IL12RB2: variants seen among roughly 807,000 people sequenced by gnomAD.
IL12RB2 encodes interleukin-12 receptor subunit beta-2.
In IL12RB2, 82 loss-of-function variants were observed where a neutral mutation model predicts 89.4. The observed-to-expected ratio is 0.92, with a 90% confidence interval of 0.77 to 1.10. The LOEUF is 1.10. IL12RB2 is among the 50% of genes least tolerant of loss of function. IL12RB2 has a pLI of 0.00. For missense variants in IL12RB2, 963 were observed against 1,031.9 expected (o/e 0.93, Z 0.92); for synonymous variants, 368 against 370.1 (o/e 0.99, Z 0.07).
At chr1:67,329,841 A>G in intron 7 of IL12RB2, 112 bp downstream of exon 7, 5 of 791,068 alleles carry the variant, frequency 6.3e-6, no homozygotes. Context: ...TTATCCCAAA[A>G]GTACACACGA....
chr1:67,341,545 A>AAGAGAG (rs201343522), intron 9 of IL12RB2, among the ~76,000 whole-genome samples: 1 of 44,858 alleles, frequency 2.2e-5, no homozygotes, highest in Non-Finnish European at 7.8e-5. Context: ...GAAAGAAAGA[A>AAGAGAG]AGAAAGAAAG....
chr1:67,372,198 T>C (rs971466717), intron 11 of IL12RB2, among the ~76,000 whole-genome samples: 8 of 152,150 alleles, frequency 5.3e-5, no homozygotes, highest in African/African-American at 1.7e-4. Flanking sequence ...GGTTGGTTGG[T>C]TGGTTGATCT....
At chr1:67,375,832 C>T (rs1416742497) in intron 13 of IL12RB2, among the ~76,000 whole-genome samples, 1 of 151,492 alleles carries the variant, frequency 6.6e-6, no homozygotes, top group Non-Finnish European at 1.5e-5. Context: ...CCACGGCCAG[C>T]ACATTTTTCT....
intron 8 of IL12RB2, among the ~76,000 whole-genome samples, chr1:67,334,207 C>A (rs1322853696): frequency 6.6e-6 from 1 of 152,134 alleles, no homozygotes; most frequent in East Asian, 1.9e-4. Flanking sequence ...TAGGTGTGAA[C>A]AATTAAATAC....
At chr1:67,318,098 GA>G (rs1656020238) in intron 2 of IL12RB2, among the ~76,000 whole-genome samples, 1 of 152,188 alleles carries the variant, frequency 6.6e-6, no homozygotes, top group Non-Finnish European at 1.5e-5. Context: ...AGACGCAAGG[GA>G]AGAGGATTCT....
rs1356953121 is a variant in IL12RB2, at chr1:67,329,516, C to T, written c.665-71C>T. 31 of 894,892 alleles carry T rather than the reference C, an allele frequency of 3.5e-5. No homozygotes were observed. The East Asian group carries it at 7.2e-4, about 21-fold the overall frequency. 55.4% of individuals were successfully genotyped at this position (894,892 alleles called of 1,614,324 possible). ...GAGTTTTGTCAAACTCTTTATAGCT[C>T]ATGCCAGTACATAAGACAATTGCTG... On this transcript the variant is annotated intron_variant, in intron 6 of 16. Coordinates refer to ENST00000674203, the MANE Select transcript of IL12RB2 (RefSeq NM_001374259.2).
In IL12RB2 at chr1:67,328,246, AT is replaced by A; in HGVS notation, c.529del (p.Tyr177IlefsTer45). On this transcript the variant is annotated frameshift_variant, in exon 6 of 17. Transcript: ENST00000674203. LOFTEE classifies it high-confidence loss of function. ...AACCTGGCAGAAGCAATGTAAAGAC[AT>A]TTATTGTGACTATTTGGACTTTGGA... is the stretch of plus-strand genomic sequence containing the variant. ...NLTWQKQCKDIYCDYLDFGIN... is the reference protein window; with the variant it reads ...NLTWQKQCKDXYCDYLDFGIN... The A allele has an allele frequency of 6.8e-6, 11 of 1,614,200 alleles. No individual in the cohort carries two copies. The highest frequency in any genetic ancestry group is 9.3e-6 in the Non-Finnish European group (11 of 1,180,020).
At chr1:67,330,606 C>A in intron 7 of IL12RB2, 54 bp from the exon 8 acceptor site, 1 of 848,114 alleles carries the variant, frequency 1.2e-6, no homozygotes, top group Non-Finnish European at 2.0e-6. Context: ...GTTAAAATTC[C>A]TTAAATTAGC....
At chr1:67,346,540 T>A (rs1660262711) in intron 9 of IL12RB2, among the ~76,000 whole-genome samples, 1 of 151,926 alleles carries the variant, frequency 6.6e-6, no homozygotes, top group Non-Finnish European at 1.5e-5. Flanking sequence ...GCATGCACCA[T>A]TATGCCCAGC....
chr1:67,391,274 C>T (rs1311081015), intron 16 of IL12RB2, among the ~76,000 whole-genome samples: 1 of 151,586 alleles, frequency 6.6e-6, no homozygotes, highest in Non-Finnish European at 1.5e-5. Flanking sequence ...ACTTTCTTCC[C>T]AAGAAGACCC....
intron 9 of IL12RB2, among the ~76,000 whole-genome samples, chr1:67,345,192 C>A (rs920872817): frequency 6.6e-6 from 1 of 152,066 alleles, no homozygotes. Flanking sequence ...AGAAAGAAAA[C>A]TCTTAGTTCC....
At chr1:67,311,759 G>T (rs981148006) in intron 1 of IL12RB2, among the ~76,000 whole-genome samples, 10 of 152,166 alleles carry the variant, frequency 6.6e-5, no homozygotes, top group Admixed American at 6.5e-4. Context: ...AAACATTGTG[G>T]CATGGTGATC....
intron 11 of IL12RB2, among the ~76,000 whole-genome samples, chr1:67,371,177 T>C (rs3790569): frequency 0.15 from 23,243 of 152,162 alleles, 2,260 homozygotes; most frequent in East Asian, 0.39. Flanking sequence ...TGAGGAATCT[T>C]TGGATTACCA....
intron 13 of IL12RB2, among the ~76,000 whole-genome samples, chr1:67,378,913 A>C (rs1371220035): frequency 6.7e-6 from 1 of 148,924 alleles, no homozygotes; most frequent in East Asian, 2.0e-4. Context: ...TTAAACTTAC[A>C]TAGGCTGGGT....
At chr1:67,333,058 G>C (rs546301894) in intron 8 of IL12RB2, among the ~76,000 whole-genome samples, 4 of 152,170 alleles carry the variant, frequency 2.6e-5, no homozygotes, top group Non-Finnish European at 4.4e-5. Context: ...AACCTAGGAA[G>C]CTGGCTTATT....
chr1:67,343,243 A>T (rs996228896), intron 9 of IL12RB2, among the ~76,000 whole-genome samples: 1 of 151,820 alleles, frequency 6.6e-6, no homozygotes, highest in Non-Finnish European at 1.5e-5. Context: ...ATCCATCACC[A>T]CGCCCAGCTA....
chr1:67,347,892 C>T (rs1660409865), intron 9 of IL12RB2, among the ~76,000 whole-genome samples: 2 of 152,188 alleles, frequency 1.3e-5, no homozygotes, highest in African/African-American at 4.8e-5. Context: ...TCAAAAATCT[C>T]ACATTACTTT....
chr1:67,390,063 TG>T lies in IL12RB2; in HGVS notation c.1983del (p.Trp661CysfsTer33). On this transcript the variant is annotated frameshift_variant, in exon 16 of 17. Coordinates refer to ENST00000674203, the MANE Select transcript of IL12RB2 (RefSeq NM_001374259.2). LOFTEE classifies it high-confidence loss of function. ...TCTCCTAGCAGCCCTCAGACCTCAG[TG>T]GTGTAGCAGAGAAATTCCAGATCCA... is the stretch of plus-strand genomic sequence containing the variant. Reference protein sequence around the residue: ...FVLLAALRPQWCSREIPDPAN... With the variant: ...FVLLAALRPQXCSREIPDPAN... 1 of 1,378,496 alleles carries T rather than the reference TG, an allele frequency of 7.3e-7. No homozygotes were observed. The highest frequency in any genetic ancestry group is 1.0e-6 in the Non-Finnish European group (1 of 964,624). 85.4% of individuals were successfully genotyped at this position (1,378,496 alleles called of 1,614,324 possible).
chr1:67,361,583 T>G (rs1428821051), intron 10 of IL12RB2, among the ~76,000 whole-genome samples: 1 of 152,030 alleles, frequency 6.6e-6, no homozygotes, highest in Non-Finnish European at 1.5e-5. Context: ...CTTGAAGATA[T>G]GTCAATAGAA....
Sources: gnomAD v4.1 joint callset for allele counts (sites outside exome capture counted in the v4.1 genomes callset) on GRCh38, gnomAD v4.1.1 for gene constraint, MANE v1.5 for transcripts, NCBI Gene and HGNC (gene_info 2026-07-23, HGNC 2026-07-21) for gene names.